Variants in ARHGAP10 observed in about 807,000 individuals in gnomAD.
ARHGAP10 encodes rho GTPase-activating protein 10.
In ARHGAP10, 87 loss-of-function variants were observed where a neutral mutation model predicts 108.6. The observed-to-expected ratio is 0.80, with a 90% CI of 0.67 to 0.96. The LOEUF (loss-of-function observed/expected upper bound fraction) is 0.96. ARHGAP10 is among the 40% of genes least tolerant of loss of function. The pLI is 0.00. For synonymous variants in ARHGAP10, 347 were observed against 341.1 expected (o/e 1.02, Z -0.19); for missense variants, 939 against 954.5 (o/e 0.98, Z 0.21).
chr4:147,840,976 T>A (rs145985610), intron 3 of ARHGAP10, among the ~76,000 whole-genome samples: 1 of 152,254 alleles, frequency 6.6e-6, no homozygotes, highest in East Asian at 1.9e-4. Context: ...CAGTGACCCA[T>A]GGGCCTGACC....
chr4:147,753,674 T>A (rs1368162090), intron 1 of ARHGAP10, among the ~76,000 whole-genome samples: 1 of 152,204 alleles, frequency 6.6e-6, no homozygotes, highest in Non-Finnish European at 1.5e-5. Context: ...TTTCTTATGT[T>A]TGTTTGCAGT....
At chr4:147,740,736 T>C (rs1218141988) in intron 1 of ARHGAP10, among the ~76,000 whole-genome samples, 1 of 152,216 alleles carries the variant, frequency 6.6e-6, no homozygotes, top group African/African-American at 2.4e-5. Context: ...GTAGAGTAAC[T>C]TTTAACTTAT....
chr4:147,984,460 G>A (rs1010632246), intron 18 of ARHGAP10, among the ~76,000 whole-genome samples: 3 of 152,214 alleles, frequency 2.0e-5, no homozygotes, highest in Non-Finnish European at 1.5e-5. Flanking sequence ...CTAATGCCAT[G>A]CCCGTGTTTC....
chr4:148,034,380 C>G (rs886363097), intron 19 of ARHGAP10, among the ~76,000 whole-genome samples: 1 of 152,134 alleles, frequency 6.6e-6, no homozygotes. Flanking sequence ...TGCGATGGCG[C>G]GATCTTGGCT....
At chr4:147,809,894 C>T (rs188604348) in intron 1 of ARHGAP10, among the ~76,000 whole-genome samples, 491 of 152,270 alleles carry the variant, frequency 3.2e-3, no homozygotes, top group Middle Eastern at 6.8e-3. Flanking sequence ...CCCTGCTATA[C>T]GCCAAGGAGA....
intron 19 of ARHGAP10, among the ~76,000 whole-genome samples, chr4:148,045,005 A>G (rs1188813207): frequency 6.6e-6 from 1 of 152,184 alleles, no homozygotes; most frequent in Non-Finnish European, 1.5e-5. Context: ...GACTCAGACA[A>G]GAAGAACTGC....
chr4:147,837,881 T>C (rs1327336289), intron 3 of ARHGAP10, among the ~76,000 whole-genome samples: 1 of 152,042 alleles, frequency 6.6e-6, no homozygotes, highest in African/African-American at 2.4e-5. Flanking sequence ...ATGTGCCTGA[T>C]TGTAAGACAA....
intron 1 of ARHGAP10, among the ~76,000 whole-genome samples, chr4:147,766,920 C>G (rs1033494711): frequency 6.7e-6 from 1 of 150,362 alleles, no homozygotes; most frequent in African/African-American, 2.5e-5. Context: ...GTGATCTTGG[C>G]TCACTGCATC....
At chr4:147,784,591 ATATATAT>A (rs1178101160) in intron 1 of ARHGAP10, among the ~76,000 whole-genome samples, 3 of 112,866 alleles carry the variant, frequency 2.7e-5, no homozygotes, top group African/African-American at 1.1e-4. Context: ...TATATTATAA[ATATATAT>A]TATATATTTA....
chr4:148,028,321 T>A (rs923530864), intron 19 of ARHGAP10, among the ~76,000 whole-genome samples: 65 of 152,256 alleles, frequency 4.3e-4, no homozygotes, highest in African/African-American at 1.5e-3. Context: ...TGTGAAAGAC[T>A]TAGACCCAGG....
At position 148,046,967 on chromosome 4, in the gene ARHGAP10, C is replaced by T. The variant is rs939084284; in HGVS notation, c.1943C>T (p.Thr648Ile). The T allele has an allele frequency of 2.5e-6, 4 of 1,614,082 alleles. No individual in the cohort carries two copies. Among genetic ancestry groups the T allele is most frequent in the South Asian group, 2.2e-5 (2 of 91,078 alleles). The change falls in exon 20 of 23, where the codon ACT becomes ATT. Residue 648 changes from threonine (T) to isoleucine (I), a missense_variant. By Grantham distance (89) the Thr-to-Ile change is moderately conservative. Transcript: ENST00000336498. ...TCACTTTCCTCCCCGTCTCCCGTGACTACAGCTGTCCCTGGGCCTCCTGGA... is the reference window on the plus strand; with the variant it reads ...TCACTTTCCTCCCCGTCTCCCGTGATTACAGCTGTCCCTGGGCCTCCTGGA... ...LDSLSSPSPVTTAVPGPPGPD... is the reference protein window; with the variant it reads ...LDSLSSPSPVITAVPGPPGPD...
chr4:147,888,315 A>G (rs994241631), intron 10 of ARHGAP10, among the ~76,000 whole-genome samples: 2 of 152,124 alleles, frequency 1.3e-5, no homozygotes, highest in South Asian at 2.1e-4. Context: ...AGCTTCTTAT[A>G]TCCAGCTGCC....
Position 147,965,008 on chromosome 4 carries a change from A to ATT in ARHGAP10, c.1451-7_1451-6dup. On this transcript the variant is annotated splice_polypyrimidine_tract_variant and intron_variant, in intron 16 of 22. Transcript: ENST00000336498. ...TTTCTTTATTTTTTTCTTTATTATT[A>ATT]TTTTTTTTTTGGAAGAAAGCGGCAG... The ATT allele has an allele frequency of 1.6e-5, 21 of 1,328,684 alleles. No homozygotes were observed. The highest frequency in any genetic ancestry group is 1.9e-4 in the Middle Eastern group (1 of 5,138). 82.3% of individuals were successfully genotyped at this position (1,328,684 alleles called of 1,614,324 possible).
intron 19 of ARHGAP10, among the ~76,000 whole-genome samples, chr4:148,030,144 T>A (rs1248792985): frequency 1.3e-5 from 2 of 152,052 alleles, no homozygotes; most frequent in African/African-American, 4.8e-5. Flanking sequence ...TTAATGCCTT[T>A]AAAAAAAATA....
chr4:147,865,758 G>A (rs866582368), intron 6 of ARHGAP10: 1 of 152,310 alleles, frequency 6.6e-6, no homozygotes, highest in Middle Eastern at 3.4e-3. Context: ...ATGAGCATTT[G>A]TGGAGCTATG....
chr4:147,757,346 G>A (rs1375570816), intron 1 of ARHGAP10, among the ~76,000 whole-genome samples: 2 of 151,966 alleles, frequency 1.3e-5, no homozygotes, highest in Non-Finnish European at 2.9e-5. Context: ...GGCGTATGCC[G>A]CCATGCCCAG....
chr4:147,987,934 T>G (rs1433291198), intron 18 of ARHGAP10, among the ~76,000 whole-genome samples: 1 of 152,226 alleles, frequency 6.6e-6, no homozygotes, highest in Admixed American at 6.5e-5. Context: ...ATAAATCCAC[T>G]TTTACTTATG....
rs112077895 is a variant in ARHGAP10, at chr4:147,789,414, T to C, written c.155-33313T>C. 8.4e-3 allele frequency among the ~76,000 whole-genome samples: 1,282 copies of C among 152,298 alleles called. 20 individuals carry two copies. Among genetic ancestry groups the C allele is most frequent in the East Asian group, 0.036 (186 of 5,188 alleles). The stretch of plus-strand genomic sequence containing the variant: ...AAGCGATTCTTGAGCTTCAGCCTCC[T>C]GGGTAGCTCGTATTACAGGCATGTG... On this transcript the variant is annotated intron_variant, in intron 1 of 22. Coordinates refer to ENST00000336498, the MANE Select transcript of ARHGAP10 (RefSeq NM_024605.4).
chr4:147,974,097 T>C (rs978133158), intron 18 of ARHGAP10, among the ~76,000 whole-genome samples: 1 of 152,172 alleles, frequency 6.6e-6, no homozygotes, highest in South Asian at 2.1e-4. Context: ...TATTTTTAGT[T>C]TTTTGAGGAA....
Sources: allele counts gnomAD v4.1 joint callset (sites outside exome capture counted in the v4.1 genomes callset), GRCh38; gene constraint gnomAD v4.1.1; transcripts MANE v1.5; gene names NCBI Gene and HGNC (gene_info 2026-07-23, HGNC 2026-07-21).